The following C1QTNF3 variants were observed in gnomAD, a reference collection of about 807,000 sequenced individuals.
The protein encoded by C1QTNF3 is C1q and TNF related 3, also known as complement C1q tumor necrosis factor-related protein 3.
Under a neutral mutation model 32.6 loss-of-function variants are expected in C1QTNF3, and 26 were observed. The observed-to-expected ratio is 0.80, with a 90% CI of 0.58 to 1.11. The LOEUF (loss-of-function observed/expected upper bound fraction) is 1.11, where lower values mean the gene tolerates loss of function less well. C1QTNF3 is among the 50% of genes least tolerant of loss of function. The pLI is 0.00. For missense variants in C1QTNF3, 362 were observed against 398.2 expected (o/e 0.91, Z 0.77); for synonymous variants, 155 against 146.0 (o/e 1.06, Z -0.44).
chr5:34,222,376 CAAT>C, the C1QTNF3 span, among the ~76,000 whole-genome samples: 1 of 151,566 alleles, frequency 6.6e-6, no homozygotes. Context: ...CTCTTGCAGA[CAAT>C]AATAATGGAG....
In C1QTNF3 at chr5:34,042,756, C is replaced by T. The variant is rs1754902346; in HGVS notation, c.303+67G>A. ...AGAATCTTAGCCAAAAAAAGAACAA[C>T]AACAAAACAACAACAACAACACTCA... On this transcript the variant is annotated intron_variant, in intron 1 of 5. Coordinates refer to ENST00000382065, the MANE Select transcript of C1QTNF3 (RefSeq NM_181435.6). 6.2e-6 allele frequency: 9 copies of T among 1,461,374 alleles called. No homozygotes were observed. In the South Asian group the frequency reaches 1.2e-4, roughly 19 times the overall value. 90.5% of individuals were successfully genotyped at this position (1,461,374 alleles called of 1,614,324 possible).
chr5:34,085,587 C>T, the C1QTNF3 span, among the ~76,000 whole-genome samples: 1 of 151,432 alleles, frequency 6.6e-6, no homozygotes, highest in Non-Finnish European at 1.5e-5. Flanking sequence ...AGTCAGGTAG[C>T]TTGATGTCTC....
intron 2 of C1QTNF3, among the ~76,000 whole-genome samples, chr5:34,035,389 G>C (rs535805270): frequency 1.3e-5 from 2 of 152,330 alleles, no homozygotes; most frequent in East Asian, 3.9e-4. Flanking sequence ...GCCCAGAGCA[G>C]TAAGCTTTTG....
At chr5:34,091,517 CTTTATT>C in the C1QTNF3 span, among the ~76,000 whole-genome samples, 4 of 152,242 alleles carry the variant, frequency 2.6e-5, no homozygotes. Flanking sequence ...CTAATGTTGT[CTTTATT>C]TTTAATTAAA....
the C1QTNF3 span, among the ~76,000 whole-genome samples, chr5:34,203,403 T>C: frequency 2.0e-5 from 3 of 152,190 alleles, no homozygotes; most frequent in Admixed American, 6.5e-5. Context: ...TTGATAGATA[T>C]TGGGCCAGGT....
At chr5:34,160,829 C>T in the C1QTNF3 span, among the ~76,000 whole-genome samples, 2 of 146,514 alleles carry the variant, frequency 1.4e-5, no homozygotes, top group South Asian at 2.2e-4. Flanking sequence ...AGAGAGGGAG[C>T]GAAAGAGAGA....
At chr5:34,103,413 A>AT in the C1QTNF3 span, among the ~76,000 whole-genome samples, 1 of 151,344 alleles carries the variant, frequency 6.6e-6, no homozygotes, top group South Asian at 2.1e-4. Context: ...GTGTGTCCTC[A>AT]TGTGTGTTCT....
At chr5:34,136,068 T>C in the C1QTNF3 span, among the ~76,000 whole-genome samples, 29 of 152,134 alleles carry the variant, frequency 1.9e-4, no homozygotes, top group African/African-American at 4.1e-4. Context: ...ATTCAGGACA[T>C]AGGCATGGGC....
chr5:34,118,490 T>C, the C1QTNF3 span, among the ~76,000 whole-genome samples: 2 of 152,206 alleles, frequency 1.3e-5, no homozygotes, highest in Non-Finnish European at 2.9e-5. Flanking sequence ...TCAGCTTTTG[T>C]TTATCTGGGA....
the C1QTNF3 span, among the ~76,000 whole-genome samples, chr5:34,122,972 T>C: frequency 1.3e-5 from 2 of 149,602 alleles, no homozygotes; most frequent in Admixed American, 6.7e-5. Flanking sequence ...CCTCCTCACA[T>C]TGCAGTCTCC....
chr5:34,174,793 G>T, the C1QTNF3 span, among the ~76,000 whole-genome samples: 14 of 152,228 alleles, frequency 9.2e-5, no homozygotes, highest in East Asian at 2.7e-3. Context: ...AGGCTGGAGT[G>T]CGGTGGCACA....
chr5:34,033,262 C>A, intron 3 of C1QTNF3, 42 bp downstream of exon 3: 2 of 1,601,564 alleles, frequency 1.2e-6, no homozygotes, highest in Non-Finnish European at 1.7e-6. Flanking sequence ...TTTGGTCAGG[C>A]AGGTTGGAAA....
the C1QTNF3 span, among the ~76,000 whole-genome samples, chr5:34,048,914 G>C: frequency 6.6e-6 from 1 of 152,156 alleles, no homozygotes; most frequent in African/African-American, 2.4e-5. Flanking sequence ...CAAGCTCCTG[G>C]GGCAGAGCTT....
At chr5:34,121,565 T>C in the C1QTNF3 span, among the ~76,000 whole-genome samples, 2 of 152,118 alleles carry the variant, frequency 1.3e-5, no homozygotes, top group African/African-American at 4.8e-5. Context: ...ATTCAAATGA[T>C]CTCCCACCAG....
the C1QTNF3 span, among the ~76,000 whole-genome samples, chr5:34,122,718 T>G: frequency 6.6e-6 from 1 of 151,666 alleles, no homozygotes; most frequent in Non-Finnish European, 1.5e-5. Context: ...CAACCAACTG[T>G]TGGATAAGTA....
chr5:34,042,770 C>T, intron 1 of C1QTNF3, 53 bp downstream of exon 1: 1 of 1,521,438 alleles, frequency 6.6e-7, no homozygotes, highest in East Asian at 2.3e-5. Flanking sequence ...AAAACAACAA[C>T]AACAACACTC....
At chr5:34,115,904 A>G in the C1QTNF3 span, among the ~76,000 whole-genome samples, 1 of 152,042 alleles carries the variant, frequency 6.6e-6, no homozygotes, top group Admixed American at 6.5e-5. Context: ...TAAATCTTTG[A>G]TCATGTTTTT....
At chr5:34,145,398 T>C in the C1QTNF3 span, among the ~76,000 whole-genome samples, 1 of 152,006 alleles carries the variant, frequency 6.6e-6, no homozygotes. Context: ...AGACAATAGA[T>C]ATATTCCTGG....
the C1QTNF3 span, among the ~76,000 whole-genome samples, chr5:34,083,642 G>T: frequency 2.0e-5 from 3 of 151,722 alleles, 1 homozygote; most frequent in African/African-American, 7.3e-5. Flanking sequence ...AAGACATTCT[G>T]CTAATTTTGC....
Sources: gnomAD v4.1 joint callset for allele counts (sites outside exome capture counted in the v4.1 genomes callset) on GRCh38, gnomAD v4.1.1 for gene constraint, MANE v1.5 for transcripts, NCBI Gene and HGNC (gene_info 2026-07-23, HGNC 2026-07-21) for gene names.